Variants in BCOR observed in about 807,000 individuals in gnomAD.
BCOR encodes the protein BCL6 corepressor.
A neutral mutation model predicts 86.7 loss-of-function variants in BCOR; 10 were observed. The ratio of observed to expected loss-of-function variants is 0.12; its 90% CI spans 0.07 to 0.20. BCOR has a LOEUF of 0.20. BCOR is among the 10% of genes least tolerant of loss of function. The pLI, the probability that BCOR is intolerant of heterozygous loss-of-function variation, is 1.00. For synonymous variants in BCOR, 611 were observed against 609.0 expected, an observed-to-expected ratio of 1.00 and a Z score of -0.05; for missense variants, 1,259 against 1,452.1, an observed-to-expected ratio of 0.87 and a Z score of 2.16.
chrX:40,124,302 T>C, intron 1 of BCOR, among the ~76,000 whole-genome samples: 1 of 109,404 alleles, frequency 9.1e-6, no homozygotes, highest in Non-Finnish European at 1.9e-5. Context: ...AGACAGCATC[T>C]CACTCTGTCA....
chrX:40,111,555 C>T (rs1347829454), intron 1 of BCOR, among the ~76,000 whole-genome samples: 1 of 111,882 alleles, frequency 8.9e-6, no homozygotes, highest in Non-Finnish European at 1.9e-5. Context: ...ATGGAATATT[C>T]TGTAGCTGTT....
At chrX:40,079,895 G>C (rs1442081851) in intron 1 of BCOR, among the ~76,000 whole-genome samples, 1 of 109,438 alleles carries the variant, frequency 9.1e-6, no homozygotes, top group African/African-American at 3.4e-5. Context: ...ACAAAAGGAA[G>C]ACATTCTGGG....
At chrX:40,167,786 C>T (rs1938533997) in intron 1 of BCOR, among the ~76,000 whole-genome samples, 1 of 112,664 alleles carries the variant, frequency 8.9e-6, no homozygotes, top group Admixed American at 9.3e-5. Context: ...CCTGACCAAC[C>T]CTCCTCGCAA....
At chrX:40,124,663 C>T (rs1602242672) in intron 1 of BCOR, among the ~76,000 whole-genome samples, 1 of 110,289 alleles carries the variant, frequency 9.1e-6, no homozygotes, top group African/African-American at 3.3e-5. Flanking sequence ...AATTCAGTGG[C>T]GAGATCATGG....
chrX:40,140,268 G>A (rs1466590682), intron 1 of BCOR, among the ~76,000 whole-genome samples: 1 of 106,290 alleles, frequency 9.4e-6, no homozygotes, highest in Non-Finnish European at 1.9e-5. Flanking sequence ...GACCAGCCTG[G>A]GCAACATGGT....
At chrX:40,093,678 A>T (rs998639551) in intron 1 of BCOR, among the ~76,000 whole-genome samples, 2 of 111,610 alleles carry the variant, frequency 1.8e-5, no homozygotes, top group African/African-American at 6.5e-5. Flanking sequence ...TATAGAGACA[A>T]CTCAAAGACC....
At chrX:40,109,488 T>C (rs913661718) in intron 1 of BCOR, among the ~76,000 whole-genome samples, 3 of 111,610 alleles carry the variant, frequency 2.7e-5, no homozygotes, top group Non-Finnish European at 3.8e-5. Context: ...TCGCTCGCCA[T>C]GGCCGGCGAC....
At chrX:40,118,107 A>ACCC (rs772794261) in intron 1 of BCOR, among the ~76,000 whole-genome samples, 17 of 102,156 alleles carry the variant, frequency 1.7e-4, no homozygotes, top group Non-Finnish European at 3.2e-4. Context: ...CAAGGCAAGG[A>ACCC]CCCCCCCTTT....
At chrX:40,156,973 G>C (rs1299956893) in intron 1 of BCOR, among the ~76,000 whole-genome samples, 1 of 113,651 alleles carries the variant, frequency 8.8e-6, no homozygotes, top group Admixed American at 9.2e-5. Flanking sequence ...GTGCAGCTGA[G>C]GCTCCCTGGC....
intron 1 of BCOR, among the ~76,000 whole-genome samples, chrX:40,095,471 G>A (rs1215864505): frequency 9.0e-6 from 1 of 110,538 alleles, no homozygotes; most frequent in Non-Finnish European, 1.9e-5. Flanking sequence ...ACCTTCTGGG[G>A]TGGGCCATTT....
At position 40,063,537 on chromosome X, in the gene BCOR, C is replaced by T. The variant is rs180910395; in HGVS notation, c.3847+71G>A. 3,373 of 914,597 alleles carry T rather than the reference C, an allele frequency of 3.7e-3. 8 individuals are homozygous for T. The highest frequency in any genetic ancestry group is 4.2e-3 in the Non-Finnish European group (2,696 of 641,660). 75.4% of individuals were successfully genotyped at this position (914,597 alleles called of 1,213,427 possible). On this transcript the variant is annotated intron_variant, in intron 8 of 14. Coordinates refer to ENST00000378444, the MANE Select transcript of BCOR (RefSeq NM_001123385.2). ...GCCTTCTAAGATCTCCTCAAAAGCC[C>T]TTTCCTACAGAGAGTGGATGACCCA...
rs570789640 is a variant in BCOR at position 40,073,411 on chromosome X, T to C, written c.1935A>G (p.Ala645=). 5.8e-5 allele frequency: 70 copies of C among 1,211,361 alleles called. No homozygotes were observed. The South Asian group carries it at 1.2e-3, about 20-fold the overall frequency. Residue 645 remains alanine (A), a synonymous_variant, in exon 4 of 15, where the codon GCA becomes GCG. Coordinates refer to ENST00000378444, the MANE Select transcript of BCOR (RefSeq NM_001123385.2). ...PSSIFLSPNE[A]FRSPPIPYPR... The stretch of plus-strand genomic sequence containing the variant: ...GGTAGGGAATTGGTGGGGACCTGAA[T>C]GCCTCATTTGGAGACAGAAATATAG...
At chrX:40,171,746 C>T (rs1450561509) in intron 1 of BCOR, among the ~76,000 whole-genome samples, 3 of 112,993 alleles carry the variant, frequency 2.7e-5, no homozygotes, top group African/African-American at 9.6e-5. Context: ...TTCTTCCAGC[C>T]CTGTGGAAAG....
intron 11 of BCOR, among the ~76,000 whole-genome samples, chrX:40,056,451 T>G: frequency 9.1e-6 from 1 of 109,927 alleles, no homozygotes; most frequent in African/African-American, 3.3e-5. Context: ...CCTGGTGGGG[T>G]GTGTTCTCAG....
Position 40,077,833 on chromosome X carries a change from G to A in BCOR, c.86+11C>T. The A allele has an allele frequency of 1.7e-6, 2 of 1,208,001 alleles. No individual in the cohort carries two copies. The highest frequency in any genetic ancestry group is 1.8e-5 in the South Asian group (1 of 56,905). ...GCTCCACTCAGGCCCGGCCCAGATG[G>A]GCGCATTCACCTGTCTTCGCTCGCC... On this transcript the variant is annotated intron_variant, in intron 2 of 14. Coordinates refer to ENST00000378444, the MANE Select transcript of BCOR (RefSeq NM_001123385.2).
intron 1 of BCOR, among the ~76,000 whole-genome samples, chrX:40,164,439 A>G (rs370488111): frequency 8.9e-6 from 1 of 112,857 alleles, no homozygotes; most frequent in East Asian, 2.8e-4. Context: ...AATTTTTTTT[A>G]AGGAAATTTC....
chrX:40,069,859 G>C, intron 6 of BCOR, among the ~76,000 whole-genome samples: 1 of 112,363 alleles, frequency 8.9e-6, no homozygotes, highest in East Asian at 2.8e-4. Context: ...CCTGCCACTT[G>C]AGTAAGGCCA....
intron 1 of BCOR, among the ~76,000 whole-genome samples, chrX:40,143,849 C>T (rs747702202): frequency 8.9e-6 from 1 of 112,028 alleles, no homozygotes; most frequent in Non-Finnish European, 1.9e-5. Flanking sequence ...CCCAGCTACT[C>T]GGGAGGCTGA....
At chrX:40,082,077 G>A (rs1381830584) in intron 1 of BCOR, among the ~76,000 whole-genome samples, 1 of 112,558 alleles carries the variant, frequency 8.9e-6, no homozygotes, top group Non-Finnish European at 1.9e-5. Context: ...GGACACGGGG[G>A]AGAAGGCCTG....
Sources: gnomAD v4.1 joint callset for allele counts (sites outside exome capture counted in the v4.1 genomes callset) on GRCh38, gnomAD v4.1.1 for gene constraint, MANE v1.5 for transcripts, NCBI Gene and HGNC (gene_info 2026-07-23, HGNC 2026-07-21) for gene names.